Variants in EPHA7 observed in about 807,000 individuals in gnomAD.
The protein encoded by EPHA7 is ephrin type-A receptor 7.
In EPHA7, 25 loss-of-function variants were observed where a neutral mutation model predicts 112.6. The observed-to-expected ratio is 0.22, with a 90% confidence interval of 0.16 to 0.31. The LOEUF (loss-of-function observed/expected upper bound fraction) is 0.31. EPHA7 is among the 10% of genes least tolerant of loss of function. The probability of loss-of-function intolerance (pLI) is 1.00; values close to 1 mark genes in which losing one functional copy is unlikely to be tolerated. For synonymous variants in EPHA7, 437 were observed against 406.5 expected (o/e 1.07, Z -0.90); for missense variants, 962 against 1,212.6 (o/e 0.79, Z 3.07).
rs145219522 is a variant in EPHA7, at chr6:93,349,737, T to C, written c.1324+6980A>G. ...AATATAAATCAATCTTATATATTCC[T>C]AACAAGTATAAAAATATACAAATTT... is the stretch of plus-strand genomic sequence containing the variant. On this transcript the variant is annotated intron_variant, in intron 5 of 16. Transcript: ENST00000369303. Among the ~76,000 whole-genome samples, 9 of 151,970 alleles carry C rather than the reference T, an allele frequency of 5.9e-5. No homozygotes were observed. The East Asian group carries it at 1.7e-3, about 29-fold the overall frequency.
chr6:93,358,536 A>C (rs1776075651), intron 3 of EPHA7, 125 bp from the exon 4 acceptor site: 1 of 760,002 alleles, frequency 1.3e-6, no homozygotes. Context: ...TCTTGATGAT[A>C]AAATATTCAT....
chr6:93,326,940 C>T (rs1302097944), intron 5 of EPHA7, among the ~76,000 whole-genome samples: 7 of 151,708 alleles, frequency 4.6e-5, no homozygotes, highest in African/African-American at 1.7e-4. Flanking sequence ...CCCATTCTTT[C>T]AACTGGTATC....
At chr6:93,291,132 T>G (rs1230269610) in intron 5 of EPHA7, among the ~76,000 whole-genome samples, 2 of 152,184 alleles carry the variant, frequency 1.3e-5, no homozygotes, top group African/African-American at 2.4e-5. Context: ...AACCCCCTTA[T>G]GGATACATCC....
intron 5 of EPHA7, among the ~76,000 whole-genome samples, chr6:93,342,062 G>A (rs533625043): frequency 3.2e-4 from 49 of 151,844 alleles, no homozygotes; most frequent in Non-Finnish European, 4.7e-4. Context: ...TTGGATACTT[G>A]GTGAGATTAA....
At chr6:93,402,470 G>A (rs1396573558) in intron 3 of EPHA7, among the ~76,000 whole-genome samples, 2 of 151,832 alleles carry the variant, frequency 1.3e-5, no homozygotes, top group Admixed American at 1.3e-4. Context: ...TGTGGAACTG[G>A]GTCACAGGGA....
chr6:93,416,181 C>T (rs1284513854), intron 1 of EPHA7, among the ~76,000 whole-genome samples: 1 of 152,030 alleles, frequency 6.6e-6, no homozygotes, highest in African/African-American at 2.4e-5. Context: ...TGAATTTCAA[C>T]TTGTAACATC....
At chr6:93,310,661 C>CAAA (rs777397436) in intron 5 of EPHA7, among the ~76,000 whole-genome samples, 1 of 99,988 alleles carries the variant, frequency 1.0e-5, no homozygotes, top group East Asian at 2.9e-4. Flanking sequence ...GACTCCGTCT[C>CAAA]AAAAAAAAAA....
intron 1 of EPHA7, 26 bp from the exon 2 acceptor site, chr6:93,414,793 A>T (rs1285315140): frequency 1.3e-6 from 2 of 1,595,824 alleles, no homozygotes; most frequent in Admixed American, 3.3e-5. Flanking sequence ...GTATTTCCAT[A>T]TGTTACATGA....
At chr6:93,406,737 C>T (rs1320583274) in intron 3 of EPHA7, among the ~76,000 whole-genome samples, 1 of 151,864 alleles carries the variant, frequency 6.6e-6, no homozygotes, top group African/African-American at 2.4e-5. Flanking sequence ...CAGATCCACA[C>T]TTTGACAAGC....
chr6:93,292,698 C>G (rs1300659558), intron 5 of EPHA7, among the ~76,000 whole-genome samples: 1 of 152,082 alleles, frequency 6.6e-6, no homozygotes, highest in African/African-American at 2.4e-5. Flanking sequence ...TAACAATAAC[C>G]TACAGAGAAG....
intron 5 of EPHA7, among the ~76,000 whole-genome samples, chr6:93,316,829 C>T (rs1388337913): frequency 2.6e-5 from 4 of 152,072 alleles, no homozygotes; most frequent in African/African-American, 9.7e-5. Context: ...TGAATACATT[C>T]CCTATATGCT....
intron 3 of EPHA7, among the ~76,000 whole-genome samples, chr6:93,368,037 A>C (rs1397892104): frequency 6.6e-6 from 1 of 152,128 alleles, no homozygotes; most frequent in Non-Finnish European, 1.5e-5. Flanking sequence ...CTGTGTATCT[A>C]TTACTGTGTC....
At chr6:93,274,951 A>G (rs1771400874) in intron 5 of EPHA7, among the ~76,000 whole-genome samples, 1 of 151,968 alleles carries the variant, frequency 6.6e-6, no homozygotes, top group Admixed American at 6.6e-5. Context: ...TTAAAGTGGC[A>G]TAAGGTATGT....
chr6:93,314,501 T>C (rs1227000657), intron 5 of EPHA7, among the ~76,000 whole-genome samples: 1 of 152,136 alleles, frequency 6.6e-6, no homozygotes, highest in East Asian at 1.9e-4. Flanking sequence ...TCACAATCCT[T>C]AAGTGAAGCA....
intron 3 of EPHA7, among the ~76,000 whole-genome samples, chr6:93,405,799 GTGTGTGTGTGTGTGTATATATATATATA>G (rs1313118657): frequency 1.6e-4 from 11 of 68,866 alleles, no homozygotes; most frequent in East Asian, 1.0e-3. Flanking sequence ...GTGTGTGTGT[GTGTGTGTGTGTGTGTATATATATATATA>G]TATATATATA....
chr6:93,403,798 C>A (rs1405988723), intron 3 of EPHA7, among the ~76,000 whole-genome samples: 1 of 151,516 alleles, frequency 6.6e-6, no homozygotes, highest in African/African-American at 2.4e-5. Context: ...TAGGAAAAAA[C>A]AAGATAGATT....
intron 12 of EPHA7, among the ~76,000 whole-genome samples, chr6:93,256,670 T>C (rs953427108): frequency 2.0e-5 from 3 of 152,072 alleles, no homozygotes; most frequent in African/African-American, 7.2e-5. Context: ...CAACCCATTT[T>C]AACCAAAAAA....
At chr6:93,357,108 A>G in intron 4 of EPHA7, 56 bp from the exon 5 acceptor site, 4 of 1,368,756 alleles carry the variant, frequency 2.9e-6, no homozygotes, top group African/African-American at 1.5e-5. Context: ...AAAAACATAC[A>G]AACAAAAAGA....
intron 5 of EPHA7, among the ~76,000 whole-genome samples, chr6:93,325,067 G>A (rs1246745229): frequency 3.3e-5 from 5 of 151,256 alleles, no homozygotes; most frequent in African/African-American, 1.2e-4. Context: ...GGAGGAGAAT[G>A]AGAGAGAGTG....
Sources: gnomAD v4.1 joint callset for allele counts (sites outside exome capture counted in the v4.1 genomes callset) on GRCh38, gnomAD v4.1.1 for gene constraint, MANE v1.5 for transcripts, NCBI Gene and HGNC (gene_info 2026-07-23, HGNC 2026-07-21) for gene names.